TMTC2: variants seen among roughly 807,000 people sequenced by gnomAD.
TMTC2 encodes the protein transmembrane O-mannosyltransferase targeting cadherins 2.
TMTC2 carries 43 observed loss-of-function variants against 82.4 expected under a neutral mutation model. The ratio of observed to expected loss-of-function variants is 0.52; its 90% CI spans 0.41 to 0.67. TMTC2 has a LOEUF of 0.67. Ranked by LOEUF, TMTC2 falls within the 30% of genes least tolerant of loss-of-function variation. TMTC2 has a pLI of 0.00. For missense variants in TMTC2, 919 were observed against 1,012.4 expected (o/e 0.91, Z 1.25); for synonymous variants, 408 against 381.9 (o/e 1.07, Z -0.80).
At chr12:83,043,519 T>C (rs1289594731) in intron 9 of TMTC2, among the ~76,000 whole-genome samples, 2 of 152,226 alleles carry the variant, frequency 1.3e-5, no homozygotes, top group Admixed American at 1.3e-4. Context: ...TCCGGGATGC[T>C]GGCAATGTTC....
chr12:82,741,724 C>A (rs764238080), intron 1 of TMTC2, among the ~76,000 whole-genome samples: 2 of 152,166 alleles, frequency 1.3e-5, no homozygotes, highest in African/African-American at 4.8e-5. Context: ...TGATTTAAAT[C>A]GTAATTTGAT....
intron 1 of TMTC2, among the ~76,000 whole-genome samples, chr12:82,752,897 T>G (rs1328471036): frequency 6.6e-6 from 1 of 152,084 alleles, no homozygotes; most frequent in Non-Finnish European, 1.5e-5. Context: ...ACAGCTGGCT[T>G]TAAAATATCC....
intron 11 of TMTC2, among the ~76,000 whole-genome samples, chr12:83,115,261 A>G (rs1216459266): frequency 6.6e-6 from 1 of 152,118 alleles, no homozygotes; most frequent in Non-Finnish European, 1.5e-5. Flanking sequence ...GTGTAGAATG[A>G]ATTACGTTGC....
rs1871300554 is a variant in TMTC2, at chr12:82,857,175, T to A, written c.249T>A (p.Asn83Lys). 3.1e-6 allele frequency: 5 copies of A among 1,614,024 alleles called. No individual in the cohort carries two copies. The highest frequency in any genetic ancestry group is 1.6e-4 in the Middle Eastern group (1 of 6,084). Reference sequence around the variant, plus strand: ...TGAACCATGCCATTGGAGGGTTGAATCCCTGGAGCTACCATCTTGTCAATG... The same window carrying A: ...TGAACCATGCCATTGGAGGGTTGAAACCCTGGAGCTACCATCTTGTCAATG... ...FRLNHAIGGL[N>K]PWSYHLVNVL... Residue 83 changes from asparagine to lysine, a missense_variant, in exon 2 of 12, where the codon AAT becomes AAA. Asn to Lys is a moderately conservative substitution (Grantham distance 94, BLOSUM62 0). Coordinates refer to ENST00000321196, the MANE Select transcript of TMTC2 (RefSeq NM_152588.3).
intron 9 of TMTC2, among the ~76,000 whole-genome samples, chr12:83,031,560 T>C (rs550950668): frequency 1.3e-5 from 2 of 152,190 alleles, no homozygotes; most frequent in Non-Finnish European, 2.9e-5. Flanking sequence ...TGGAATTTCT[T>C]TTAGGGAGCC....
intron 1 of TMTC2, among the ~76,000 whole-genome samples, chr12:82,815,751 C>T (rs2137055459): frequency 6.6e-6 from 1 of 152,094 alleles, no homozygotes; most frequent in South Asian, 2.1e-4. Flanking sequence ...TGTGACCCGG[C>T]AAATCTAAAG....
In TMTC2 at chr12:83,012,261, G is replaced by A. The variant is rs1168329999; in HGVS notation, c.2071-18537G>A. On this transcript the variant is annotated intron_variant, in intron 8 of 11. Transcript: ENST00000321196. Reference sequence around the variant, plus strand: ...TACATCATTTTAGTGTTACATGGTGGACAAAAAAATGAGAGAAGAAAAAAA... The same window carrying A: ...TACATCATTTTAGTGTTACATGGTGAACAAAAAAATGAGAGAAGAAAAAAA... 2.0e-5 allele frequency among the ~76,000 whole-genome samples: 3 copies of A among 151,630 alleles called. No individual in the cohort carries two copies. The East Asian group carries it at 5.8e-4, about 29-fold the overall frequency.
chr12:83,099,121 A>G (rs1201032454), intron 11 of TMTC2, among the ~76,000 whole-genome samples: 1 of 152,218 alleles, frequency 6.6e-6, no homozygotes, highest in Non-Finnish European at 1.5e-5. Context: ...CCAATATTCT[A>G]TAAAGATTCA....
At chr12:82,892,771 G>A (rs1873461376) in intron 2 of TMTC2, among the ~76,000 whole-genome samples, 1 of 152,124 alleles carries the variant, frequency 6.6e-6, no homozygotes, top group Non-Finnish European at 1.5e-5. Flanking sequence ...TTAAAAATGG[G>A]CTTTTGGTAC....
chr12:83,099,207 G>A (rs1277528024), intron 11 of TMTC2, among the ~76,000 whole-genome samples: 3 of 152,102 alleles, frequency 2.0e-5, no homozygotes, highest in African/African-American at 7.2e-5. Context: ...TTCCTAGGGA[G>A]CTCCTAACTT....
At chr12:82,793,564 T>C (rs1470865023) in intron 1 of TMTC2, among the ~76,000 whole-genome samples, 2 of 152,104 alleles carry the variant, frequency 1.3e-5, no homozygotes, top group Non-Finnish European at 2.9e-5. Flanking sequence ...ACTAAATTAG[T>C]GTTACTCTGT....
At chr12:82,996,616 G>T (rs1879628357) in intron 8 of TMTC2, among the ~76,000 whole-genome samples, 2 of 152,198 alleles carry the variant, frequency 1.3e-5, no homozygotes, top group Non-Finnish European at 2.9e-5. Context: ...TCATGTGTAA[G>T]TAGGACTCTT....
intron 8 of TMTC2, among the ~76,000 whole-genome samples, chr12:83,010,615 G>T (rs76522428): frequency 6.6e-6 from 1 of 152,136 alleles, no homozygotes; most frequent in Non-Finnish European, 1.5e-5. Flanking sequence ...CCTGGTGATA[G>T]TCATTGTCTC....
intron 1 of TMTC2, among the ~76,000 whole-genome samples, chr12:82,691,550 C>T (rs1872578877): frequency 6.6e-6 from 1 of 151,860 alleles, no homozygotes; most frequent in East Asian, 1.9e-4. Flanking sequence ...TTTTTTAAAA[C>T]CTGCATTCTT....
Position 82,896,415 on chromosome 12 carries a change from G to A in TMTC2, c.1252G>A (p.Val418Ile), listed in dbSNP as rs182412509. The change falls in exon 3 of 12, where the codon GTA (valine) becomes ATA (isoleucine). Residue 418 changes from valine to isoleucine, a missense_variant. Coordinates refer to ENST00000321196, the MANE Select transcript of TMTC2 (RefSeq NM_152588.3). ...GAACCTGTTTTTCTATGTCGGCTTT[G>A]TAATTGCAGAGCGAGTATTATATAT... ...ATNLFFYVGF[V>I]IAERVLYIPS... The A allele has an allele frequency of 6.2e-7, 1 of 1,614,126 alleles. No individual in the cohort carries two copies. Among genetic ancestry groups the A allele is most frequent in the African/African-American group, 1.3e-5 (1 of 75,034 alleles).
At chr12:82,835,393 C>T (rs1265348452) in intron 1 of TMTC2, among the ~76,000 whole-genome samples, 1 of 152,170 alleles carries the variant, frequency 6.6e-6, no homozygotes, top group Non-Finnish European at 1.5e-5. Flanking sequence ...CTCTTCCTTT[C>T]TCCTAAAATG....
At chr12:83,016,653 G>T (rs754416037) in intron 8 of TMTC2, among the ~76,000 whole-genome samples, 43 of 152,114 alleles carry the variant, frequency 2.8e-4, no homozygotes, top group Non-Finnish European at 4.4e-4. Context: ...GTGGATGCAT[G>T]ACTTTGTCTT....
chr12:83,100,067 C>A (rs1592746123), intron 11 of TMTC2, among the ~76,000 whole-genome samples: 1 of 151,904 alleles, frequency 6.6e-6, no homozygotes, highest in East Asian at 1.9e-4. Flanking sequence ...TTCCCGGCGC[C>A]CGCCACCATG....
At chr12:82,773,116 A>G (rs1271424545) in intron 1 of TMTC2, among the ~76,000 whole-genome samples, 4 of 152,090 alleles carry the variant, frequency 2.6e-5, no homozygotes, top group African/African-American at 7.2e-5. Flanking sequence ...TGAAAATGTT[A>G]TATGTTGCTT....
Sources: gnomAD v4.1 joint callset for allele counts (sites outside exome capture counted in the v4.1 genomes callset) on GRCh38, gnomAD v4.1.1 for gene constraint, MANE v1.5 for transcripts, NCBI Gene and HGNC (gene_info 2026-07-23, HGNC 2026-07-21) for gene names.